LRP1B: variants seen among roughly 807,000 people sequenced by gnomAD.
LRP1B encodes low-density lipoprotein receptor-related protein 1B.
A neutral mutation model predicts 556.6 loss-of-function variants in LRP1B; 217 were observed. The ratio of observed to expected loss-of-function variants is 0.39; its 90% confidence interval spans 0.35 to 0.44. The LOEUF is 0.44. Ranked by LOEUF, LRP1B falls within the 20% of genes least tolerant of loss-of-function variation. The probability of loss-of-function intolerance (pLI) is 1.00; values close to 1 mark genes in which losing one functional copy is unlikely to be tolerated. For missense variants in LRP1B, 5,053 were observed against 5,620.8 expected (o/e 0.90, Z 3.23); for synonymous variants, 2,047 against 1,865.8 (o/e 1.10, Z -2.50).
intron 3 of LRP1B, among the ~76,000 whole-genome samples, chr2:141,345,572 C>T (rs1305840802): frequency 6.6e-6 from 1 of 151,722 alleles, no homozygotes; most frequent in Admixed American, 6.6e-5. Flanking sequence ...TCACTGCAGA[C>T]TCTAACACCT....
intron 66 of LRP1B, among the ~76,000 whole-genome samples, chr2:140,416,483 T>C (rs1387806228): frequency 6.6e-6 from 1 of 151,816 alleles, no homozygotes; most frequent in African/African-American, 2.4e-5. Context: ...TGGTGAAACA[T>C]GTCTCTACAA....
At chr2:142,064,199 C>G (rs774469355) in intron 1 of LRP1B, among the ~76,000 whole-genome samples, 1 of 151,416 alleles carries the variant, frequency 6.6e-6, no homozygotes, top group African/African-American at 2.4e-5. Context: ...TTCATATAAT[C>G]CTATTAGTGG....
At chr2:141,189,781 T>C (rs1331185592) in intron 6 of LRP1B, among the ~76,000 whole-genome samples, 1 of 151,972 alleles carries the variant, frequency 6.6e-6, no homozygotes, top group Admixed American at 6.6e-5. Context: ...TTAAATGACA[T>C]AGGTAGCTAG....
intron 43 of LRP1B, among the ~76,000 whole-genome samples, chr2:140,596,339 TAGAG>T (rs1285496928): frequency 6.6e-6 from 1 of 152,148 alleles, no homozygotes; most frequent in Non-Finnish European, 1.5e-5. Flanking sequence ...ATGTCTCTAT[TAGAG>T]AGCAGTTTTA....
chr2:142,072,144 T>C (rs1350221859), intron 1 of LRP1B, among the ~76,000 whole-genome samples: 1 of 151,922 alleles, frequency 6.6e-6, no homozygotes, highest in Non-Finnish European at 1.5e-5. Flanking sequence ...AATGCCTATG[T>C]TAGTTCAGCG....
At chr2:142,079,345 A>T (rs979657758) in intron 1 of LRP1B, among the ~76,000 whole-genome samples, 92 of 152,122 alleles carry the variant, frequency 6.0e-4, no homozygotes, top group African/African-American at 2.1e-3. Context: ...ATATCTAAAT[A>T]CTTAAATATA....
At chr2:141,290,695 A>G (rs1685909155) in intron 3 of LRP1B, among the ~76,000 whole-genome samples, 1 of 152,210 alleles carries the variant, frequency 6.6e-6, no homozygotes, top group Admixed American at 6.5e-5. Flanking sequence ...AAACAAACAA[A>G]CAAACAAACA....
chr2:141,235,228 T>C (rs1037182874), intron 5 of LRP1B, among the ~76,000 whole-genome samples: 1 of 152,058 alleles, frequency 6.6e-6, no homozygotes, highest in African/African-American at 2.4e-5. Context: ...GCTGAAGTAT[T>C]CTTTGGGTAA....
intron 1 of LRP1B, among the ~76,000 whole-genome samples, chr2:142,045,836 C>T (rs1400659475): frequency 1.3e-5 from 2 of 151,716 alleles, no homozygotes; most frequent in African/African-American, 2.4e-5. Flanking sequence ...TTTGAGCCTC[C>T]GTCTCTTTGG....
intron 2 of LRP1B, among the ~76,000 whole-genome samples, chr2:141,786,130 T>C (rs1695423645): frequency 6.6e-6 from 1 of 151,944 alleles, no homozygotes; most frequent in Non-Finnish European, 1.5e-5. Flanking sequence ...ACTTTTCCAC[T>C]GTATAATCAC....
At chr2:141,973,676 T>A (rs1701806066) in intron 1 of LRP1B, among the ~76,000 whole-genome samples, 2 of 151,860 alleles carry the variant, frequency 1.3e-5, no homozygotes, top group South Asian at 4.1e-4. Context: ...AAGTATTTAT[T>A]ATAATTTGAG....
At chr2:140,810,978 G>T (rs1690898865) in intron 32 of LRP1B, among the ~76,000 whole-genome samples, 1 of 152,068 alleles carries the variant, frequency 6.6e-6, no homozygotes, top group Admixed American at 6.6e-5. Context: ...CTCATGATCT[G>T]CCTGGCCCAG....
intron 7 of LRP1B, among the ~76,000 whole-genome samples, chr2:141,098,972 G>A (rs1026960960): frequency 1.3e-5 from 2 of 152,094 alleles, no homozygotes; most frequent in African/African-American, 4.8e-5. Flanking sequence ...TCTCATTAAG[G>A]CTTTTTAGCT....
At chr2:140,937,011 T>C (rs1695248524) in intron 20 of LRP1B, among the ~76,000 whole-genome samples, 1 of 152,144 alleles carries the variant, frequency 6.6e-6, no homozygotes, top group Admixed American at 6.6e-5. Context: ...GTTATTGAAG[T>C]TAAACTGCTA....
chr2:142,031,269 A>G (rs1196731758), intron 1 of LRP1B, among the ~76,000 whole-genome samples: 1 of 150,510 alleles, frequency 6.6e-6, no homozygotes, highest in Non-Finnish European at 1.5e-5. Context: ...TTCTCATGTT[A>G]TTGCTGAACT....
At position 140,442,530 on chromosome 2, in the gene LRP1B, G is replaced by C; in HGVS notation, c.10388C>G (p.Ala3463Gly). The stretch of plus-strand genomic sequence containing the variant: ...GCAGTTGGCCTCGTCTGATGCATCT[G>C]CACAGTCTGGATCCTCGTCACAAAC... The part of the protein sequence containing the change: ...LWVCDEDPDC[A>G]DASDEANCDK... The change falls in exon 66 of 91, where the codon GCA becomes GGA. Residue 3463 changes from alanine (A) to glycine (G), a missense_variant. This residue lies in a region of LRP1B where 262 missense variants were observed against 395.1 expected (regional missense o/e 0.66). Coordinates refer to ENST00000389484, the MANE Select transcript of LRP1B (RefSeq NM_018557.3). 2 of 1,613,788 alleles carry C rather than the reference G, an allele frequency of 1.2e-6. No individual in the cohort carries two copies. The highest frequency in any genetic ancestry group is 1.7e-6 in the Non-Finnish European group (2 of 1,179,796).
intron 2 of LRP1B, among the ~76,000 whole-genome samples, chr2:141,760,251 AT>A (rs1158344645): frequency 6.6e-6 from 1 of 152,196 alleles, no homozygotes; most frequent in Non-Finnish European, 1.5e-5. Flanking sequence ...AAAATAAGTG[AT>A]GGTACAACCA....
At chr2:140,297,138 A>T (rs1479838114) in intron 84 of LRP1B, among the ~76,000 whole-genome samples, 1 of 152,100 alleles carries the variant, frequency 6.6e-6, no homozygotes, top group African/African-American at 2.4e-5. Flanking sequence ...GGTTCCTAGT[A>T]ACAAGAAGAA....
chr2:142,061,372 C>CA (rs936999970), intron 1 of LRP1B, among the ~76,000 whole-genome samples: 2 of 151,980 alleles, frequency 1.3e-5, no homozygotes, highest in African/African-American at 4.8e-5. Flanking sequence ...GGAGACCTTT[C>CA]AAGTCTGTTC....
Sources: allele counts gnomAD v4.1 joint callset (sites outside exome capture counted in the v4.1 genomes callset), GRCh38; gene constraint gnomAD v4.1.1; regional missense constraint gnomAD v4.1.1; transcripts MANE v1.5; gene names NCBI Gene and HGNC (gene_info 2026-07-23, HGNC 2026-07-21).